The following SLIT3 variants were observed in gnomAD, a reference collection of about 807,000 sequenced individuals.
SLIT3 encodes slit homolog 3 protein.
In SLIT3, 68 loss-of-function variants were observed where a neutral mutation model predicts 184.0. That is an observed-to-expected ratio of 0.37 (90% CI 0.30 to 0.45). SLIT3 has a LOEUF of 0.45. Among genes scored for constraint, SLIT3 ranks in the 20% least tolerant of loss-of-function variants. SLIT3 has a pLI of 1.00. For missense variants in SLIT3, 1,707 were observed against 2,026.0 expected (o/e 0.84, Z 3.02); for synonymous variants, 831 against 828.6 (o/e 1.00, Z -0.05).
chr5:168,665,126 T>C lies in SLIT3; in HGVS notation c.*1328A>G, dbSNP rs1373736510. 1.3e-5 allele frequency: 2 copies of C among 152,258 alleles called. No homozygotes were observed. The highest frequency in any genetic ancestry group is 1.9e-4 in the East Asian group (1 of 5,188). 9.4% of individuals were successfully genotyped at this position (152,258 alleles called of 1,614,324 possible). ...ACTTCTGGTCTGGCTCCTCCACTTA[T>C]CTGGTGTGTGGCTTAAGGCAAGTTC... On this transcript the variant is annotated 3_prime_UTR_variant, in exon 36 of 36. Coordinates refer to ENST00000519560, the MANE Select transcript of SLIT3 (RefSeq NM_003062.4).
chr5:169,024,856 C>T (rs1324406725), intron 4 of SLIT3: 2 of 152,202 alleles, frequency 1.3e-5, no homozygotes, highest in African/African-American at 4.8e-5. Context: ...GAAGAAATTC[C>T]TACCCTGATG....
At chr5:169,210,330 C>A (rs1764220249) in intron 3 of SLIT3, among the ~76,000 whole-genome samples, 3 of 152,160 alleles carry the variant, frequency 2.0e-5, no homozygotes, top group African/African-American at 7.2e-5. Flanking sequence ...AAAAAATTTA[C>A]TTGCATTATA....
intron 23 of SLIT3, among the ~76,000 whole-genome samples, chr5:168,713,101 T>C (rs1762611733): frequency 1.3e-5 from 2 of 151,922 alleles, no homozygotes; most frequent in South Asian, 4.2e-4. Flanking sequence ...AGGGAGGGGG[T>C]CCTCAGCTCC....
intron 1 of SLIT3, among the ~76,000 whole-genome samples, chr5:169,279,772 C>T (rs946413928): frequency 6.6e-6 from 1 of 152,156 alleles, no homozygotes; most frequent in Non-Finnish European, 1.5e-5. Context: ...GTTGACTCTG[C>T]CACTTATGAG....
At chr5:168,993,738 C>T (rs17666679) in intron 4 of SLIT3, among the ~76,000 whole-genome samples, 2,156 of 151,934 alleles carry the variant, frequency 0.014, 115 homozygotes, top group East Asian at 0.095. Flanking sequence ...AAAGTGAAGA[C>T]GGGCACAGAA....
intron 4 of SLIT3, among the ~76,000 whole-genome samples, chr5:169,159,512 A>ACTG (rs1762407458): frequency 6.6e-6 from 1 of 152,132 alleles, no homozygotes; most frequent in Non-Finnish European, 1.5e-5. Context: ...GCGGTAGCTC[A>ACTG]CGCCTGTAAT....
chr5:168,688,958 G>A (rs928395508), intron 29 of SLIT3, among the ~76,000 whole-genome samples: 2 of 152,244 alleles, frequency 1.3e-5, no homozygotes, highest in Admixed American at 6.5e-5. Context: ...GGCTACTGGT[G>A]AGATCTTTAT....
rs567511259 is a variant in SLIT3, at chr5:168,788,474, C to G, written c.1079+1086G>C. ...CACGGAGAGGCAAAATATAGACAGA[C>G]TGATCAAGAGTGTGGGTTCTGGAGC... is the stretch of plus-strand genomic sequence containing the variant. On this transcript the variant is annotated intron_variant, in intron 11 of 35. Transcript: ENST00000519560. 2.0e-5 allele frequency among the ~76,000 whole-genome samples: 3 copies of G among 152,284 alleles called. No individual in the cohort carries two copies. In the East Asian group the frequency reaches 5.8e-4, roughly 29 times the overall value.
intron 5 of SLIT3, among the ~76,000 whole-genome samples, chr5:168,871,512 TA>T (rs150431519): frequency 0.023 from 3,530 of 152,196 alleles, 121 homozygotes; most frequent in African/African-American, 0.079. Context: ...TGGCCTACTT[TA>T]TACCTAGCCC....
chr5:168,772,464 C>T, intron 14 of SLIT3: 1 of 367,882 alleles, frequency 2.7e-6, no homozygotes, highest in Admixed American at 4.5e-5. Flanking sequence ...GTAACAGGCA[C>T]ATGTGCAAAG....
intron 20 of SLIT3, among the ~76,000 whole-genome samples, chr5:168,730,686 A>T (rs537355987): frequency 2.0e-5 from 3 of 152,168 alleles, no homozygotes; most frequent in African/African-American, 7.2e-5. Context: ...AATGAAAATG[A>T]AAAAACAACA....
intron 4 of SLIT3, among the ~76,000 whole-genome samples, chr5:169,115,687 A>T (rs1225806994): frequency 5.3e-5 from 8 of 152,224 alleles, no homozygotes; most frequent in African/African-American, 1.9e-4. Flanking sequence ...GCACTATGCC[A>T]AGTGTAGAAA....
intron 4 of SLIT3, among the ~76,000 whole-genome samples, chr5:169,142,072 TAAAAATAAAAATAA>T (rs1209529300): frequency 1.1e-5 from 1 of 89,038 alleles, no homozygotes; most frequent in Non-Finnish European, 2.0e-5. Context: ...AAAATAAAAA[TAAAAATAAAAATAA>T]ATAAATAAAT....
At chr5:168,920,330 TAC>T (rs976113562) in intron 4 of SLIT3, among the ~76,000 whole-genome samples, 2 of 152,116 alleles carry the variant, frequency 1.3e-5, no homozygotes, top group African/African-American at 4.8e-5. Context: ...AGCCCCCATG[TAC>T]AGAGGCCCCT....
intron 4 of SLIT3, among the ~76,000 whole-genome samples, chr5:169,121,916 C>T (rs985129916): frequency 1.3e-5 from 2 of 152,208 alleles, no homozygotes; most frequent in Non-Finnish European, 2.9e-5. Context: ...CAAGTCACCG[C>T]CCAACACTCC....
chr5:168,918,627 C>T (rs982416113), intron 4 of SLIT3, among the ~76,000 whole-genome samples: 5 of 152,158 alleles, frequency 3.3e-5, no homozygotes, highest in African/African-American at 9.7e-5. Context: ...GATCCATAAA[C>T]GGACATGTGG....
chr5:168,814,397 G>GCAAACAAA (rs34174262), intron 8 of SLIT3, among the ~76,000 whole-genome samples: 60 of 150,800 alleles, frequency 4.0e-4, no homozygotes, highest in Non-Finnish European at 6.6e-4. Flanking sequence ...ACTGTCTCAA[G>GCAAACAAA]CAAACAAACA....
intron 1 of SLIT3, among the ~76,000 whole-genome samples, chr5:169,258,786 CT>C (rs911572264): frequency 6.6e-6 from 1 of 152,204 alleles, no homozygotes; most frequent in East Asian, 1.9e-4. Flanking sequence ...CCATACCCTT[CT>C]TTTTATTCAT....
At chr5:169,051,261 A>G (rs950830097) in intron 4 of SLIT3, among the ~76,000 whole-genome samples, 4 of 152,054 alleles carry the variant, frequency 2.6e-5, no homozygotes, top group African/African-American at 9.7e-5. Flanking sequence ...TCAAAAATAC[A>G]CTGCCATTTT....
Sources: gnomAD v4.1 joint callset for allele counts (sites outside exome capture counted in the v4.1 genomes callset) on GRCh38, gnomAD v4.1.1 for gene constraint, MANE v1.5 for transcripts, NCBI Gene and HGNC (gene_info 2026-07-23, HGNC 2026-07-21) for gene names.